AGBL1: variants seen among roughly 807,000 people sequenced by gnomAD.
AGBL1 encodes cytosolic carboxypeptidase 4.
In AGBL1, 130 loss-of-function variants were observed where a neutral mutation model predicts 118.9. That is an observed-to-expected ratio of 1.09 (90% CI 0.95 to 1.26). The LOEUF (loss-of-function observed/expected upper bound fraction) is 1.26, where lower values mean the gene tolerates loss of function less well. Among genes scored for constraint, AGBL1 ranks in the 50% most tolerant of loss-of-function variants. The pLI, the probability that AGBL1 is intolerant of heterozygous loss-of-function variation, is 0.00. For synonymous variants in AGBL1, 555 were observed against 478.9 expected (o/e 1.16, Z -2.08); for missense variants, 1,584 against 1,298.1 (o/e 1.22, Z -3.38).
chr15:86,871,822 C>T (rs562284141), intron 22 of AGBL1, among the ~76,000 whole-genome samples: 1 of 152,262 alleles, frequency 6.6e-6, no homozygotes, highest in South Asian at 2.1e-4. Flanking sequence ...GTTTTTGGGA[C>T]AACACTACTT....
chr15:86,430,472 G>A (rs879319649), intron 18 of AGBL1, among the ~76,000 whole-genome samples: 7 of 149,678 alleles, frequency 4.7e-5, no homozygotes, highest in Non-Finnish European at 1.0e-4. Flanking sequence ...TCCAGCCTGG[G>A]TGAAAAAGCG....
At chr15:86,947,511 C>T (rs553763546) in intron 23 of AGBL1, among the ~76,000 whole-genome samples, 59 of 152,070 alleles carry the variant, frequency 3.9e-4, no homozygotes, top group African/African-American at 9.9e-4. Context: ...GGCTTCAGGG[C>T]GAAAACAGAA....
At chr15:86,312,444 C>T (rs2079935063) in intron 17 of AGBL1, 1 of 152,128 alleles carries the variant, frequency 6.6e-6, no homozygotes, top group African/African-American at 2.4e-5. Flanking sequence ...ATTAACTGCC[C>T]CAAATGTGAT....
intron 22 of AGBL1, among the ~76,000 whole-genome samples, chr15:86,883,459 C>G (rs1344768741): frequency 6.6e-6 from 1 of 152,222 alleles, no homozygotes; most frequent in Non-Finnish European, 1.5e-5. Context: ...AGTGTCCATT[C>G]TTTGCTTCTG....
intron 18 of AGBL1, among the ~76,000 whole-genome samples, chr15:86,504,786 T>G (rs911446120): frequency 3.3e-5 from 5 of 151,772 alleles, no homozygotes; most frequent in African/African-American, 1.2e-4. Context: ...GCCATTGTTT[T>G]TTAAATCAGG....
chr15:86,295,517 C>T (rs2079621386), intron 17 of AGBL1, 109 bp downstream of exon 17: 2 of 1,171,202 alleles, frequency 1.7e-6, no homozygotes, highest in Admixed American at 2.7e-5. Context: ...GGGTTGGAGA[C>T]TGTCTGTCTT....
chr15:86,948,259 A>G (rs973832368), intron 23 of AGBL1, among the ~76,000 whole-genome samples: 2 of 152,210 alleles, frequency 1.3e-5, no homozygotes, highest in African/African-American at 2.4e-5. Context: ...ATGAGCACCT[A>G]GAAAACACCA....
chr15:86,160,740 A>C (rs1347292539), intron 5 of AGBL1, among the ~76,000 whole-genome samples: 1 of 152,188 alleles, frequency 6.6e-6, no homozygotes, highest in African/African-American at 2.4e-5. Flanking sequence ...GATTATGTGC[A>C]AATCTTTGTG....
At chr15:86,608,140 T>C (rs2469166) in intron 21 of AGBL1, among the ~76,000 whole-genome samples, 75,066 of 152,000 alleles carry the variant, frequency 0.49, 18,696 homozygotes, top group East Asian at 0.73. Context: ...ATCCTGCTAG[T>C]ATGTGGATAT....
chr15:86,586,253 CCT>C (rs1382032895), intron 21 of AGBL1, among the ~76,000 whole-genome samples: 1 of 152,154 alleles, frequency 6.6e-6, no homozygotes, highest in Non-Finnish European at 1.5e-5. Flanking sequence ...ACTAGGGACA[CCT>C]GAAAACATTC....
intron 18 of AGBL1, among the ~76,000 whole-genome samples, chr15:86,462,345 C>A (rs546884409): frequency 1.3e-5 from 2 of 152,120 alleles, no homozygotes; most frequent in African/African-American, 2.4e-5. Flanking sequence ...TCAGCCCAAG[C>A]TCTCTCCTTT....
At chr15:86,385,092 A>C (rs1042341699) in intron 17 of AGBL1, among the ~76,000 whole-genome samples, 18 of 152,082 alleles carry the variant, frequency 1.2e-4, no homozygotes, top group African/African-American at 4.1e-4. Flanking sequence ...GATTAGTCCA[A>C]ATTGCTCTGT....
In AGBL1 at chr15:86,208,469, G is replaced by A. The variant is rs548377453; in HGVS notation, c.489-16445G>A. On this transcript the variant is annotated intron_variant, in intron 5 of 22. Coordinates refer to ENST00000614907, the MANE Select transcript of AGBL1 (RefSeq NM_001386094.1). ...TGGTCCTGGACTTTTTGGATTGGTA[G>A]GCTATTAATTATTGCCTCAATTTCA... 2.0e-4 allele frequency among the ~76,000 whole-genome samples: 30 copies of A among 152,122 alleles called. No homozygotes were observed. In the East Asian group the frequency reaches 5.2e-3, roughly 26 times the overall value.
chr15:86,289,020 G>T (rs981115072), intron 16 of AGBL1, among the ~76,000 whole-genome samples: 1 of 151,978 alleles, frequency 6.6e-6, no homozygotes, highest in African/African-American at 2.4e-5. Flanking sequence ...ATTTATGTTT[G>T]CTTATGCTTT....
chr15:86,336,036 A>G (rs538284310), intron 17 of AGBL1, among the ~76,000 whole-genome samples: 2 of 152,346 alleles, frequency 1.3e-5, no homozygotes, highest in East Asian at 3.9e-4. Flanking sequence ...AGACACAAAG[A>G]TGAGAGAAAG....
intron 18 of AGBL1, among the ~76,000 whole-genome samples, chr15:86,450,551 C>G (rs2082180600): frequency 6.6e-6 from 1 of 152,156 alleles, no homozygotes; most frequent in South Asian, 2.1e-4. Flanking sequence ...AGTATTCATT[C>G]TGTTTATTCA....
intron 22 of AGBL1, among the ~76,000 whole-genome samples, chr15:86,853,378 T>C (rs1293084453): frequency 6.6e-6 from 1 of 152,190 alleles, no homozygotes; most frequent in East Asian, 1.9e-4. Context: ...TATATCTCGA[T>C]TTCTAGTCAT....
Position 86,549,780 on chromosome 15 carries a change from C to T in AGBL1, c.2817+3647C>T, listed in dbSNP as rs966194977. Among the ~76,000 whole-genome samples the T allele has an allele frequency of 4.8e-5, 7 of 147,122 alleles. No homozygotes were observed. The Admixed American group carries it at 4.9e-4, about 10-fold the overall frequency. ...ATGGCAAAATATGATGACCATTACT[C>T]AATATATATGGAAATTTGATGGATA... On this transcript the variant is annotated intron_variant, in intron 20 of 22. Transcript: ENST00000614907.
chr15:86,517,471 A>G (rs1354267487), intron 18 of AGBL1, among the ~76,000 whole-genome samples: 1 of 152,216 alleles, frequency 6.6e-6, no homozygotes, highest in Non-Finnish European at 1.5e-5. Flanking sequence ...CCAAAGTTCA[A>G]ATGTTAACTA....
Sources: gnomAD v4.1 joint callset for allele counts (sites outside exome capture counted in the v4.1 genomes callset) on GRCh38, gnomAD v4.1.1 for gene constraint, MANE v1.5 for transcripts, NCBI Gene and HGNC (gene_info 2026-07-23, HGNC 2026-07-21) for gene names.